Variants in ZFHX3 observed in about 807,000 individuals in gnomAD.
ZFHX3 encodes zinc finger homeobox protein 3.
A neutral mutation model predicts 279.1 loss-of-function variants in ZFHX3; 42 were observed. The observed-to-expected ratio is 0.15, with a 90% CI of 0.12 to 0.19. The LOEUF is 0.19. Among genes scored for constraint, ZFHX3 ranks in the 10% least tolerant of loss-of-function variants. ZFHX3 has a pLI of 1.00. For missense variants in ZFHX3, 4,981 were observed against 4,754.0 expected (o/e 1.05, Z -1.40); for synonymous variants, 2,293 against 1,957.8 (o/e 1.17, Z -4.52).
At chr16:73,820,184 G>A (rs1960694909) in intron 1 of ZFHX3, among the ~76,000 whole-genome samples, 1 of 152,104 alleles carries the variant, frequency 6.6e-6, no homozygotes, top group African/African-American at 2.4e-5. Context: ...CTGCCTCCTG[G>A]GTTCATGCCA....
intron 2 of ZFHX3, among the ~76,000 whole-genome samples, chr16:73,539,835 C>A (rs895331214): frequency 1.3e-5 from 2 of 152,138 alleles, no homozygotes; most frequent in African/African-American, 2.4e-5. Flanking sequence ...AAATAATACC[C>A]AAATAAATGG....
chr16:73,407,946 G>A (rs552923742), intron 3 of ZFHX3, among the ~76,000 whole-genome samples: 7 of 152,022 alleles, frequency 4.6e-5, no homozygotes, highest in Non-Finnish European at 1.0e-4. Flanking sequence ...GCTGGGGAAA[G>A]CAAACAGCAG....
intron 1 of ZFHX3, among the ~76,000 whole-genome samples, chr16:73,861,737 G>A (rs893926105): frequency 5.3e-5 from 8 of 152,090 alleles, no homozygotes; most frequent in Non-Finnish European, 1.0e-4. Flanking sequence ...GCTCACACCT[G>A]TAATCCCAGC....
chr16:73,620,415 C>T (rs1483898079), intron 2 of ZFHX3, among the ~76,000 whole-genome samples: 3 of 152,196 alleles, frequency 2.0e-5, no homozygotes, highest in African/African-American at 7.2e-5. Flanking sequence ...GGCTGTCATT[C>T]ACCAATTCCA....
chr16:72,796,658 A>G lies in ZFHX3; in HGVS notation c.6024T>C (p.Asn2008=). ...TCTCGAGCTGTTTGAAAGGAAAGTA[A>G]TTCTGATGAACGTGCTCTTGATGAC... ...LKSHQEHVHQ[N]YFPFKQLERF... The change falls in exon 9 of 10, where the codon AAT becomes AAC. Residue 2008 remains asparagine, a synonymous_variant. Transcript: ENST00000268489. The G allele has an allele frequency of 5.0e-6, 8 of 1,614,052 alleles. No individual in the cohort carries two copies. Among genetic ancestry groups the G allele is most frequent in the Non-Finnish European group, 6.8e-6 (8 of 1,180,022 alleles).
intron 2 of ZFHX3, among the ~76,000 whole-genome samples, chr16:73,573,123 G>T (rs550720275): frequency 1.8e-4 from 27 of 152,296 alleles, no homozygotes; most frequent in Admixed American, 4.6e-4. Flanking sequence ...TATAGTGAAT[G>T]AGGGGACAGG....
At chr16:72,826,336 C>G (rs2036926814) in intron 5 of ZFHX3, among the ~76,000 whole-genome samples, 1 of 152,100 alleles carries the variant, frequency 6.6e-6, no homozygotes, top group Non-Finnish European at 1.5e-5. Context: ...GCCAATTATC[C>G]AGGCCCATCT....
At position 73,735,306 on chromosome 16, in the gene ZFHX3, C is replaced by G. The variant is rs990003999; in HGVS notation, c.-1607-55066G>C. ...CAACTATAAGGTTTGATGATAAAAC[C>G]TAACTTTATGTTTCTTGTTGGTTAA... On this transcript the variant is annotated intron_variant, in intron 1 of 17. Transcript: ENST00000641206. 2.0e-5 allele frequency among the ~76,000 whole-genome samples: 3 copies of G among 148,274 alleles called. No individual in the cohort carries two copies. In the South Asian group the frequency reaches 6.4e-4, roughly 32 times the overall value.
chr16:73,456,900 G>A (rs2018381619), intron 2 of ZFHX3, among the ~76,000 whole-genome samples: 2 of 152,124 alleles, frequency 1.3e-5, no homozygotes, highest in Admixed American at 1.3e-4. Flanking sequence ...ATTATATTCC[G>A]AGCAAAATAC....
At chr16:72,987,104 G>C (rs1459609915) in intron 1 of ZFHX3, among the ~76,000 whole-genome samples, 1 of 152,234 alleles carries the variant, frequency 6.6e-6, no homozygotes, top group Admixed American at 6.5e-5. Context: ...GTGAGTTGTG[G>C]GAGCTGTGAT....
chr16:73,113,652 A>G (rs920300502), intron 7 of ZFHX3, among the ~76,000 whole-genome samples: 5 of 152,196 alleles, frequency 3.3e-5, no homozygotes, highest in African/African-American at 7.2e-5. Flanking sequence ...ACATTCTAGA[A>G]GAGATATGAG....
intron 3 of ZFHX3, among the ~76,000 whole-genome samples, chr16:73,330,633 G>A (rs747911193): frequency 8.5e-5 from 13 of 152,216 alleles, no homozygotes; most frequent in Admixed American, 3.9e-4. Context: ...AGGCTGATGG[G>A]TGGATGTGGA....
In ZFHX3 at chr16:72,787,357, G is replaced by C. The variant is rs1273193703; in HGVS notation, c.10919C>G (p.Thr3640Arg). Residue 3640 changes from threonine (T) to arginine (R), a missense_variant, in exon 10 of 10, where the codon ACG becomes AGG. This residue lies in a region of ZFHX3 where 1,034 missense variants were observed against 786.0 expected (regional missense o/e 1.32). Transcript: ENST00000268489. ...PSFPPLSSSS[T>R]VTSSSCSTSG... The stretch of plus-strand genomic sequence containing the variant: ...GGTGCTGCATGAACTTGAGGTAACC[G>C]TTGAAGATGAGGAGAGAGGAGGAAA... 2 of 1,612,508 alleles carry C rather than the reference G, an allele frequency of 1.2e-6. No homozygotes were observed. The highest frequency in any genetic ancestry group is 3.3e-5 in the Admixed American group (2 of 59,932).
intron 2 of ZFHX3, among the ~76,000 whole-genome samples, chr16:73,563,403 C>A (rs1392598777): frequency 6.6e-6 from 1 of 151,810 alleles, no homozygotes; most frequent in Non-Finnish European, 1.5e-5. Flanking sequence ...ACTACAGGCA[C>A]GCGCCACCAT....
At chr16:72,964,868 C>G (rs562066660) in intron 1 of ZFHX3, among the ~76,000 whole-genome samples, 2 of 152,080 alleles carry the variant, frequency 1.3e-5, no homozygotes, top group African/African-American at 4.8e-5. Flanking sequence ...ACTGACAAAC[C>G]GGAGAGTATG....
intron 8 of ZFHX3, 123 bp downstream of exon 8, chr16:72,799,904 A>G (rs1567520938): frequency 2.4e-6 from 2 of 833,360 alleles, no homozygotes; most frequent in Non-Finnish European, 4.0e-6. Context: ...AGTGCCCCTC[A>G]TCTCCTGATC....
intron 3 of ZFHX3, among the ~76,000 whole-genome samples, chr16:73,347,795 G>A (rs1247291512): frequency 6.6e-6 from 1 of 152,234 alleles, no homozygotes; most frequent in Non-Finnish European, 1.5e-5. Flanking sequence ...GCTCCATGGT[G>A]CAGATAGCTC....
chr16:73,631,255 G>A (rs1387251199), intron 2 of ZFHX3, among the ~76,000 whole-genome samples: 1 of 152,136 alleles, frequency 6.6e-6, no homozygotes, highest in Non-Finnish European at 1.5e-5. Flanking sequence ...TGTTACCTGA[G>A]AATATTAATT....
intron 4 of ZFHX3, among the ~76,000 whole-genome samples, chr16:72,880,451 A>T (rs1317108883): frequency 6.6e-6 from 1 of 152,130 alleles, no homozygotes; most frequent in African/African-American, 2.4e-5. Flanking sequence ...GAGACACACC[A>T]GGGGGACTCA....
Sources: gnomAD v4.1 joint callset for allele counts (sites outside exome capture counted in the v4.1 genomes callset) on GRCh38, gnomAD v4.1.1 for gene constraint, gnomAD v4.1.1 regional missense constraint, MANE v1.5 for transcripts, NCBI Gene and HGNC (gene_info 2026-07-23, HGNC 2026-07-21) for gene names.